Variants in MARCHF1 observed in about 807,000 individuals in gnomAD.
MARCHF1 encodes membrane associated ring-CH-type finger 1.
Under a neutral mutation model 54.2 loss-of-function variants are expected in MARCHF1, and 40 were observed. The observed-to-expected ratio is 0.74, with a 90% CI of 0.57 to 0.96. The LOEUF (loss-of-function observed/expected upper bound fraction) is 0.96, where lower values mean the gene tolerates loss of function less well. Ranked by LOEUF, MARCHF1 falls within the 40% of genes least tolerant of loss-of-function variation. The pLI, the probability that MARCHF1 is intolerant of heterozygous loss-of-function variation, is 0.00. For missense variants in MARCHF1, 586 were observed against 656.5 expected, an observed-to-expected ratio of 0.89 and a Z score of 1.17; for synonymous variants, 236 against 236.3, an observed-to-expected ratio of 1.00 and a Z score of 0.01.
chr4:163,749,223 C>CAT (rs10690089), intron 4 of MARCHF1, among the ~76,000 whole-genome samples: 51,232 of 151,752 alleles, frequency 0.34, 9,191 homozygotes, highest in Non-Finnish European at 0.41. Flanking sequence ...AGTATATAAA[C>CAT]ATAATTAATT....
chr4:163,563,092 T>A (rs915317811), intron 8 of MARCHF1, among the ~76,000 whole-genome samples: 1 of 152,238 alleles, frequency 6.6e-6, no homozygotes, highest in Non-Finnish European at 1.5e-5. Flanking sequence ...ATTAATTCCT[T>A]ATCTAATACC....
rs575131455 is a variant in MARCHF1, at chr4:163,791,315, T to C, written c.111+62706A>G. Reference sequence around the variant, plus strand: ...GGGTTTTCATCATAATATGCCCATATAAAAGCCACACACATATAGTATTAC... The same window carrying C: ...GGGTTTTCATCATAATATGCCCATACAAAAGCCACACACATATAGTATTAC... On this transcript the variant is annotated intron_variant, in intron 4 of 9. Transcript: ENST00000514618. Among the ~76,000 whole-genome samples, 3 of 152,244 alleles carry C rather than the reference T, an allele frequency of 2.0e-5. No homozygotes were observed. The South Asian group carries it at 6.2e-4, about 32-fold the overall frequency.
intron 4 of MARCHF1, among the ~76,000 whole-genome samples, chr4:163,766,871 A>C (rs1162899924): frequency 6.6e-6 from 1 of 152,146 alleles, no homozygotes; most frequent in Non-Finnish European, 1.5e-5. Flanking sequence ...TTTTGCATCT[A>C]CTGCAAAAAT....
At chr4:163,737,912 T>C (rs180746841) in intron 4 of MARCHF1, among the ~76,000 whole-genome samples, 1,999 of 77,980 alleles carry the variant, frequency 0.026, 193 homozygotes, top group African/African-American at 0.057. Context: ...TTACTGGGTA[T>C]ATACCCAAAG....
intron 3 of MARCHF1, among the ~76,000 whole-genome samples, chr4:163,943,748 TAA>T (rs5863641): frequency 0.52 from 64,076 of 122,814 alleles, 16,492 homozygotes; most frequent in Middle Eastern, 0.63. Context: ...AAATAGAAGT[TAA>T]AAAAAAAAAA....
rs544389591 is a variant in MARCHF1 at position 163,992,061 on chromosome 4, C to CAAAAA, written c.-247-3357_-247-3353dup. Among the ~76,000 whole-genome samples the CAAAAA allele has an allele frequency of 2.6e-3, 139 of 52,860 alleles. 6 individuals carry two copies. The highest frequency in any genetic ancestry group is 8.0e-3 in the African/African-American group (122 of 15,314). 34.7% of individuals were successfully genotyped at this position (52,860 alleles called of 152,430 possible). A position where few individuals can be genotyped will look rare whatever the true frequency, so the allele number is the denominator to read the frequency against. The stretch of plus-strand genomic sequence containing the variant: ...AGACCAGCTTGATCTTTGTCAGCTG[C>CAAAAA]AAAAAAAAAAAAAAAAAAAAAAAAA... On this transcript the variant is annotated intron_variant, in intron 2 of 9. Coordinates refer to ENST00000514618, the MANE Select transcript of MARCHF1 (RefSeq NM_001394959.1).
In MARCHF1 at chr4:163,782,184, T is replaced by A. The variant is rs1430404522; in HGVS notation, c.111+71837A>T. On this transcript the variant is annotated intron_variant, in intron 4 of 9. Transcript: ENST00000514618. ...CAGAATAGCTTTAGTATTATACCCA[T>A]CCTTGAAGAGATGGGAATTGGATAG... Among the ~76,000 whole-genome samples, 3 of 132,296 alleles carry A rather than the reference T, an allele frequency of 2.3e-5. No individual in the cohort carries two copies. In the East Asian group the frequency reaches 7.2e-4, roughly 32 times the overall value. The allele number at this position is 132,296 out of a possible 152,430, so 86.8% of individuals were successfully genotyped here.
At chr4:163,570,065 T>C (rs2110749065) in intron 8 of MARCHF1, among the ~76,000 whole-genome samples, 1 of 152,266 alleles carries the variant, frequency 6.6e-6, no homozygotes, top group East Asian at 1.9e-4. Flanking sequence ...GCAAGGTCTT[T>C]ATAGATAATC....
intron 9 of MARCHF1, among the ~76,000 whole-genome samples, chr4:163,542,980 GGAAATGTTTTACA>G (rs969841010): frequency 6.6e-6 from 1 of 152,130 alleles, no homozygotes; most frequent in Non-Finnish European, 1.5e-5. Context: ...GAAGCTGGAA[GGAAATGTTTTACA>G]GAGAGAGGAA....
At chr4:164,076,623 A>G (rs148662360) in intron 2 of MARCHF1, among the ~76,000 whole-genome samples, 50 of 152,328 alleles carry the variant, frequency 3.3e-4, no homozygotes, top group African/African-American at 1.2e-3. Context: ...ACATGATTGT[A>G]TATTTAGAAA....
intron 7 of MARCHF1, among the ~76,000 whole-genome samples, chr4:163,594,671 C>A (rs1740701502): frequency 6.6e-6 from 1 of 151,500 alleles, no homozygotes; most frequent in Non-Finnish European, 1.5e-5. Flanking sequence ...GAAAGGTGTT[C>A]AAAATCACTA....
At chr4:163,723,844 G>A (rs1306487811) in intron 4 of MARCHF1, among the ~76,000 whole-genome samples, 3 of 151,928 alleles carry the variant, frequency 2.0e-5, no homozygotes, top group South Asian at 2.1e-4. Flanking sequence ...CATTTGTCAC[G>A]TAGTTCTTGT....
At chr4:163,866,035 C>A (rs1750039847) in intron 3 of MARCHF1, among the ~76,000 whole-genome samples, 1 of 151,536 alleles carries the variant, frequency 6.6e-6, no homozygotes. Flanking sequence ...GACACTGTAA[C>A]TCTTCTAAAA....
Position 164,366,187 on chromosome 4 carries a change from C to T in MARCHF1, c.-323+17683G>A, listed in dbSNP as rs75094332. ...ATCATTAACCTTCCAATACAAGTTT[C>T]GCATTCAAGGGCATATAAATAATAC... is the stretch of plus-strand genomic sequence containing the variant. On this transcript the variant is annotated intron_variant, in intron 1 of 9. Coordinates refer to ENST00000514618, the MANE Select transcript of MARCHF1 (RefSeq NM_001394959.1). Among the ~76,000 whole-genome samples, 359 of 152,126 alleles carry T rather than the reference C, an allele frequency of 2.4e-3. 1 individual carries two copies. Among genetic ancestry groups the T allele is most frequent in the African/African-American group, 7.8e-3 (325 of 41,546 alleles).
intron 3 of MARCHF1, among the ~76,000 whole-genome samples, chr4:163,857,162 A>C (rs1749791923): frequency 6.7e-6 from 1 of 149,942 alleles, no homozygotes; most frequent in South Asian, 2.1e-4. Context: ...GGTAAGGGAG[A>C]GTTATAATTG....
chr4:164,240,349 T>C (rs1416559645), intron 1 of MARCHF1, among the ~76,000 whole-genome samples: 3 of 152,220 alleles, frequency 2.0e-5, no homozygotes. Flanking sequence ...GGAATAACCT[T>C]AGCCATCTTT....
intron 1 of MARCHF1, among the ~76,000 whole-genome samples, chr4:164,355,296 T>C (rs201718790): frequency 0.12 from 6,024 of 50,464 alleles, 98 homozygotes; most frequent in Non-Finnish European, 0.16. Flanking sequence ...AAAAAGAGCC[T>C]GCATCGCCAA....
At chr4:163,536,946 A>G (rs376950850) in intron 9 of MARCHF1, among the ~76,000 whole-genome samples, 1 of 152,270 alleles carries the variant, frequency 6.6e-6, no homozygotes, top group African/African-American at 2.4e-5. Flanking sequence ...CAATCCCCAC[A>G]TACAAAAGCC....
At chr4:163,998,324 C>G (rs1300421655) in intron 2 of MARCHF1, among the ~76,000 whole-genome samples, 1 of 151,206 alleles carries the variant, frequency 6.6e-6, no homozygotes, top group Non-Finnish European at 1.5e-5. Flanking sequence ...TCATATAGAT[C>G]TTTCAATACT....
Sources: allele counts gnomAD v4.1 joint callset (sites outside exome capture counted in the v4.1 genomes callset), GRCh38; gene constraint gnomAD v4.1.1; transcripts MANE v1.5; gene names NCBI Gene and HGNC (gene_info 2026-07-23, HGNC 2026-07-21).